Variants in CTSO observed in about 807,000 individuals in gnomAD.
CTSO encodes the protein cathepsin O.
In CTSO, 40 loss-of-function variants were observed where a neutral mutation model predicts 42.4. The observed-to-expected ratio is 0.94, with a 90% CI of 0.73 to 1.23. The LOEUF (loss-of-function observed/expected upper bound fraction) is 1.23, where lower values mean the gene tolerates loss of function less well. Ranked by LOEUF, CTSO falls within the 50% of genes most tolerant of loss-of-function variation. CTSO has a pLI of 0.00. For missense variants in CTSO, 441 were observed against 396.0 expected (o/e 1.11, Z -0.96); for synonymous variants, 156 against 146.2 (o/e 1.07, Z -0.48).
chr4:155,937,185 T>C (rs1272162470), intron 5 of CTSO, among the ~76,000 whole-genome samples, 177 bp downstream of exon 5: 1 of 152,156 alleles, frequency 6.6e-6, no homozygotes, highest in Non-Finnish European at 1.5e-5. Flanking sequence ...AATAAGTAGA[T>C]TATAATTAAG....
intron 1 of CTSO, among the ~76,000 whole-genome samples, chr4:155,950,441 C>T (rs554217262): frequency 2.6e-5 from 4 of 152,074 alleles, no homozygotes; most frequent in African/African-American, 9.7e-5. Flanking sequence ...TAAATTATAA[C>T]CTATGATTTT....
At chr4:155,947,270 T>C (rs1361219019) in intron 1 of CTSO, among the ~76,000 whole-genome samples, 2 of 152,212 alleles carry the variant, frequency 1.3e-5, no homozygotes, top group Non-Finnish European at 2.9e-5. Flanking sequence ...GTAATACTGA[T>C]CTGGAAGAAT....
At chr4:155,943,087 A>G in intron 2 of CTSO, 69 bp downstream of exon 2, 1 of 902,512 alleles carries the variant, frequency 1.1e-6, no homozygotes, top group Non-Finnish European at 1.8e-6. Flanking sequence ...TTACAATGAA[A>G]TATTTATCAA....
chr4:155,947,554 C>G (rs1041143244), intron 1 of CTSO, among the ~76,000 whole-genome samples: 4 of 152,150 alleles, frequency 2.6e-5, no homozygotes, highest in Admixed American at 2.6e-4. Context: ...TATCTATTCT[C>G]TTATTTATTT....
At chr4:155,930,021 A>T (rs1431468969) in intron 5 of CTSO, among the ~76,000 whole-genome samples, 1 of 152,212 alleles carries the variant, frequency 6.6e-6, no homozygotes, top group Admixed American at 6.5e-5. Context: ...AGAAAGCAGA[A>T]GTGATACATC....
intron 7 of CTSO, among the ~76,000 whole-genome samples, chr4:155,927,281 T>C (rs1185449963): frequency 6.6e-6 from 1 of 152,234 alleles, no homozygotes; most frequent in African/African-American, 2.4e-5. Context: ...AAAAAAATTG[T>C]ATATATGTTG....
intron 1 of CTSO, among the ~76,000 whole-genome samples, chr4:155,946,980 C>T (rs1354802592): frequency 6.6e-6 from 1 of 151,988 alleles, no homozygotes; most frequent in Non-Finnish European, 1.5e-5. Flanking sequence ...CTCAGCCTCC[C>T]GAGTAGCTGG....
intron 3 of CTSO, 115 bp downstream of exon 3, chr4:155,942,202 T>G: frequency 3.6e-6 from 3 of 823,108 alleles, no homozygotes; most frequent in Non-Finnish European, 5.2e-6. Context: ...TTTGGATGAC[T>G]GAGATGTGAT....
chr4:155,926,536 A>G (rs1015909435), intron 7 of CTSO, among the ~76,000 whole-genome samples: 6 of 152,218 alleles, frequency 3.9e-5, no homozygotes, highest in African/African-American at 1.4e-4. Flanking sequence ...CATCATGGCA[A>G]AAGCAATAAA....
In CTSO at chr4:155,947,757, T is replaced by G. The variant is rs187324942; in HGVS notation, c.136-4493A>C. 2.0e-5 allele frequency among the ~76,000 whole-genome samples: 3 copies of G among 152,294 alleles called. No homozygotes were observed. The East Asian group carries it at 5.8e-4, about 29-fold the overall frequency. On this transcript the variant is annotated intron_variant, in intron 1 of 7. Coordinates refer to ENST00000433477, the MANE Select transcript of CTSO (RefSeq NM_001334.3). The stretch of plus-strand genomic sequence containing the variant: ...GAAGTCTGTATGAGGCCCTTGCTGC[T>G]CATTACATCCAACAACCTCCGTTAG...
At chr4:155,939,649 C>T (rs1579344531) in intron 3 of CTSO, 111 bp from the exon 4 acceptor site, 2 of 976,656 alleles carry the variant, frequency 2.0e-6, no homozygotes, top group South Asian at 2.4e-5. Flanking sequence ...TTCTGGAAAC[C>T]TACAAAATAA....
chr4:155,940,986 C>T (rs1397795111), intron 3 of CTSO, among the ~76,000 whole-genome samples: 3 of 151,410 alleles, frequency 2.0e-5, no homozygotes, highest in Non-Finnish European at 2.9e-5. Flanking sequence ...ATTAAAAGTT[C>T]CCTCTTCAAT....
At chr4:155,951,905 C>T (rs1325755644) in intron 1 of CTSO, among the ~76,000 whole-genome samples, 1 of 152,126 alleles carries the variant, frequency 6.6e-6, no homozygotes, top group African/African-American at 2.4e-5. Context: ...CCCCCACTTC[C>T]CTCCTCCCGT....
chr4:155,935,122 A>T (rs1277480996), intron 5 of CTSO, among the ~76,000 whole-genome samples: 3 of 152,108 alleles, frequency 2.0e-5, no homozygotes, highest in African/African-American at 7.2e-5. Flanking sequence ...GTGATAGTGA[A>T]TAAGTCTCAC....
At chr4:155,937,087 A>G (rs1049132782) in intron 5 of CTSO, among the ~76,000 whole-genome samples, 16 of 151,964 alleles carry the variant, frequency 1.1e-4, no homozygotes, top group African/African-American at 3.6e-4. Flanking sequence ...GTATAATAAA[A>G]TATAAAATAT....
At chr4:155,927,216 T>C (rs1449753377) in intron 7 of CTSO, among the ~76,000 whole-genome samples, 1 of 152,234 alleles carries the variant, frequency 6.6e-6, no homozygotes, top group African/African-American at 2.4e-5. Flanking sequence ...ACATAAACTT[T>C]CAAATTTTTC....
At chr4:155,937,177 T>C (rs1452849082) in intron 5 of CTSO, among the ~76,000 whole-genome samples, 185 bp downstream of exon 5, 1 of 152,088 alleles carries the variant, frequency 6.6e-6, no homozygotes, top group Non-Finnish European at 1.5e-5. Flanking sequence ...CTTGGGAAAA[T>C]AAGTAGATTA....
Position 155,937,458 on chromosome 4 carries a change from G to A in CTSO, c.578C>T (p.Ser193Leu). Residue 193 changes from serine to leucine, a missense_variant, in exon 5 of 8, where the codon TCA (serine) becomes TTA (leucine). By Grantham distance (145) the Ser-to-Leu change is moderately radical. Coordinates refer to ENST00000433477, the MANE Select transcript of CTSO (RefSeq NM_001334.3). Reference protein sequence around the residue: ...NKMQVKLVKDSEYPFKAQNGL... With the variant: ...NKMQVKLVKDLEYPFKAQNGL... ...ATTTTGTGCTTTAAAAGGATATTCT[G>A]AATCTTTCACCAGTTTTACTTGCAT... 1 of 1,612,938 alleles carries A rather than the reference G, an allele frequency of 6.2e-7. No individual in the cohort carries two copies. Among genetic ancestry groups the A allele is most frequent in the Non-Finnish European group, 8.5e-7 (1 of 1,179,282 alleles).
Position 155,929,150 on chromosome 4 carries a change from T to C in CTSO, c.838+392A>G, listed in dbSNP as rs141528802. ...AACTAGTCAGACCTATCCCTTTATT[T>C]CGGCCCATCCCTTTATTTCCCATAA... On this transcript the variant is annotated intron_variant, in intron 6 of 7. Transcript: ENST00000433477. Among the ~76,000 whole-genome samples, 256 of 152,334 alleles carry C rather than the reference T, an allele frequency of 1.7e-3. 1 individual carries two copies. Among genetic ancestry groups the C allele is most frequent in the African/African-American group, 5.9e-3 (244 of 41,574 alleles).
Sources: allele counts gnomAD v4.1 joint callset (sites outside exome capture counted in the v4.1 genomes callset), GRCh38; gene constraint gnomAD v4.1.1; transcripts MANE v1.5; gene names NCBI Gene and HGNC (gene_info 2026-07-23, HGNC 2026-07-21).